DST: variants seen among roughly 807,000 people sequenced by gnomAD.
The protein encoded by DST is dystonin, also known as bullous pemphigoid antigen.
Under a neutral mutation model 875.2 loss-of-function variants are expected in DST, and 253 were observed. That is an observed-to-expected ratio of 0.29 (90% CI 0.26 to 0.32). The LOEUF (loss-of-function observed/expected upper bound fraction) is 0.32, where lower values mean the gene tolerates loss of function less well. Among genes scored for constraint, DST ranks in the 10% least tolerant of loss-of-function variants. The pLI is 1.00. For synonymous variants in DST, 3,124 were observed against 3,197.1 expected, an observed-to-expected ratio of 0.98 and a Z score of 0.77; for missense variants, 8,287 against 9,111.6, an observed-to-expected ratio of 0.91 and a Z score of 3.68.
In DST at chr6:56,482,787, A is replaced by C; in HGVS notation, c.21298T>G (p.Ser7100Ala). 1 of 1,613,714 alleles carries C rather than the reference A, an allele frequency of 6.2e-7. No individual in the cohort carries two copies. The highest frequency in any genetic ancestry group is 8.5e-7 in the Non-Finnish European group (1 of 1,179,768). Residue 7100 changes from serine (S) to alanine (A), a missense_variant, in exon 89 of 104, where the codon TCC becomes GCC. Transcript: ENST00000680361. ...RELIEGSRDD[S>A]SWVKVQMQEL... ...TGCATCTGGACCTTGACCCAGGAGG[A>C]GTCATCCCGACTGCCTTCTATGAGT...
At chr6:56,952,413 A>G (rs969317553) in intron 2 of DST, among the ~76,000 whole-genome samples, 1 of 152,164 alleles carries the variant, frequency 6.6e-6, no homozygotes, top group Non-Finnish European at 1.5e-5. Flanking sequence ...CACTCTGTCA[A>G]TTATTTACTT....
At position 56,608,527 on chromosome 6, in the gene DST, A is replaced by T. The variant is rs774750704; in HGVS notation, c.6101T>A (p.Ile2034Asn). 1 of 1,613,530 alleles carries T rather than the reference A, an allele frequency of 6.2e-7. No homozygotes were observed. Among genetic ancestry groups the T allele is most frequent in the Admixed American group, 1.7e-5 (1 of 59,882 alleles). Residue 2034 changes from isoleucine to asparagine, a missense_variant, in exon 40 of 104, where the codon ATC becomes AAC. Around this residue, in one of 10 missense-constraint regions of DST, gnomAD observed 3,138 missense variants for 3,116.6 expected, o/e 1.01. Transcript: ENST00000680361. The part of the protein sequence containing the change: ...ILTYQVQTGG[I>N]IQSNPAKRLT... ...ACGCTTGGCAGGGTTTGACTGGATG[A>T]TTCCACCAGTTTGAACCTGATATGT...
intron 4 of DST, among the ~76,000 whole-genome samples, chr6:56,819,558 A>G (rs972398612): frequency 6.6e-6 from 1 of 152,224 alleles, no homozygotes; most frequent in Admixed American, 6.5e-5. Context: ...GGGAGTTTTA[A>G]TAACAAAATG....
intron 61 of DST, among the ~76,000 whole-genome samples, chr6:56,546,477 A>G (rs2097229801): frequency 1.5e-5 from 2 of 131,746 alleles, no homozygotes; most frequent in Admixed American, 1.5e-4. Flanking sequence ...TTCTTCAGAG[A>G]AAAAAAAAAA....
At chr6:56,695,071 G>C (rs1184961828) in intron 9 of DST, among the ~76,000 whole-genome samples, 2 of 146,762 alleles carry the variant, frequency 1.4e-5, no homozygotes, top group African/African-American at 5.2e-5. Flanking sequence ...AGGTTGCAGT[G>C]AGCCAAGATT....
At chr6:56,499,474 T>C (rs1415384044) in intron 80 of DST, among the ~76,000 whole-genome samples, 1 of 152,146 alleles carries the variant, frequency 6.6e-6, no homozygotes, top group African/African-American at 2.4e-5. Context: ...AAGAGAGTTC[T>C]ATAAAATTCA....
At chr6:56,670,168 G>A (rs1245781782) in intron 10 of DST, among the ~76,000 whole-genome samples, 1 of 151,088 alleles carries the variant, frequency 6.6e-6, no homozygotes, top group African/African-American at 2.4e-5. Flanking sequence ...GTGTGTGTGT[G>A]TGTGTATAAG....
At chr6:56,932,491 G>C (rs991262062) in intron 2 of DST, among the ~76,000 whole-genome samples, 1 of 152,114 alleles carries the variant, frequency 6.6e-6, no homozygotes, top group African/African-American at 2.4e-5. Context: ...GGCATAGGAG[G>C]AACAGGCAGC....
At chr6:56,787,417 G>C (rs1045820296) in intron 4 of DST, among the ~76,000 whole-genome samples, 2 of 152,292 alleles carry the variant, frequency 1.3e-5, no homozygotes, top group South Asian at 4.1e-4. Context: ...GTACAGGATT[G>C]AGTCCAACAA....
At chr6:56,693,155 T>G in intron 9 of DST, 1 of 1,277,452 alleles carries the variant, frequency 7.8e-7, no homozygotes. Flanking sequence ...CCCATTTGAT[T>G]TGTAGGAGAT....
chr6:56,701,964 G>T lies in DST; in HGVS notation c.878C>A (p.Pro293His). Reference sequence around the variant, plus strand: ...AAAACGCATCCGACCTTTTTCTCTGGGCTAAGAACAGAAAAATGCAGGTAT... The same window carrying T: ...AAAACGCATCCGACCTTTTTCTCTGTGCTAAGAACAGAAAAATGCAGGTAT... ...HEDVEDEDKG[P>H]REKGRMRFHR... Residue 293 changes from proline (P) to histidine (H), a missense_variant and splice_region_variant, in exon 8 of 104, where the codon CCC becomes CAC. Coordinates refer to ENST00000680361, the MANE Select transcript of DST (RefSeq NM_001374736.1). The T allele has an allele frequency of 6.2e-7, 1 of 1,602,506 alleles. No homozygotes were observed. Among genetic ancestry groups the T allele is most frequent in the Non-Finnish European group, 8.5e-7 (1 of 1,171,098 alleles).
At chr6:56,650,270 T>C (rs1157031996) in intron 12 of DST, among the ~76,000 whole-genome samples, 3 of 139,498 alleles carry the variant, frequency 2.2e-5, no homozygotes, top group Non-Finnish European at 4.5e-5. Context: ...ATGTGACACA[T>C]ACTGGGCTTC....
At chr6:56,642,715 A>G (rs1341590996) in intron 15 of DST, 1 of 1,614,168 alleles carries the variant, frequency 6.2e-7, no homozygotes, top group Non-Finnish European at 8.5e-7. Flanking sequence ...ATTTGAATCA[A>G]GACTGGTTCG....
At chr6:56,539,926 T>C (rs1341088941) in intron 61 of DST, among the ~76,000 whole-genome samples, 1 of 152,202 alleles carries the variant, frequency 6.6e-6, no homozygotes, top group Non-Finnish European at 1.5e-5. Flanking sequence ...TCCAATATAA[T>C]GGCTCTTAAA....
At chr6:56,548,642 T>C in intron 61 of DST, among the ~76,000 whole-genome samples, 1 of 152,170 alleles carries the variant, frequency 6.6e-6, no homozygotes, top group African/African-American at 2.4e-5. Context: ...TCTTCCTGCC[T>C]AGAGACAAAC....
intron 43 of DST, among the ~76,000 whole-genome samples, chr6:56,602,301 G>A (rs184943292): frequency 6.6e-6 from 1 of 151,556 alleles, no homozygotes; most frequent in Non-Finnish European, 1.5e-5. Flanking sequence ...TATTTTTCCT[G>A]TCGTTTTCTA....
intron 4 of DST, among the ~76,000 whole-genome samples, chr6:56,744,149 CAA>C (rs1197086753): frequency 5.3e-4 from 31 of 58,436 alleles, no homozygotes; most frequent in Admixed American, 5.8e-4. Context: ...AACTCTGTCT[CAA>C]AAAAAAAAAA....
chr6:56,912,261 T>TA (rs1469711425), intron 2 of DST, among the ~76,000 whole-genome samples: 7 of 152,324 alleles, frequency 4.6e-5, no homozygotes, highest in Non-Finnish European at 8.8e-5. Context: ...CGCAGCACAC[T>TA]GCTAAGACAT....
At chr6:56,726,799 T>C (rs2099461612) in intron 5 of DST, among the ~76,000 whole-genome samples, 1 of 152,192 alleles carries the variant, frequency 6.6e-6, no homozygotes, top group African/African-American at 2.4e-5. Flanking sequence ...AAAAAAGCTT[T>C]ATTTAGTTTC....
Sources: allele counts gnomAD v4.1 joint callset (sites outside exome capture counted in the v4.1 genomes callset), GRCh38; gene constraint gnomAD v4.1.1; regional missense constraint gnomAD v4.1.1; transcripts MANE v1.5; gene names NCBI Gene and HGNC (gene_info 2026-07-23, HGNC 2026-07-21).